The following SCN3A variants were observed in gnomAD, a reference collection of about 807,000 sequenced individuals.
The protein encoded by SCN3A is sodium voltage-gated channel alpha subunit 3, also known as sodium channel protein type 3 subunit alpha.
In SCN3A, 60 loss-of-function variants were observed where a neutral mutation model predicts 187.6. That is an observed-to-expected ratio of 0.32 (90% CI 0.26 to 0.40). The LOEUF (loss-of-function observed/expected upper bound fraction) is 0.40, where lower values mean the gene tolerates loss of function less well. Among genes scored for constraint, SCN3A ranks in the 10% least tolerant of loss-of-function variants. The pLI, the probability that SCN3A is intolerant of heterozygous loss-of-function variation, is 1.00. For synonymous variants in SCN3A, 788 were observed against 829.2 expected (o/e 0.95, Z 0.85); for missense variants, 1,601 against 2,428.2 (o/e 0.66, Z 7.16).
chr2:165,171,260 C>T (rs1323985560), intron 3 of SCN3A, among the ~76,000 whole-genome samples: 1 of 151,870 alleles, frequency 6.6e-6, no homozygotes, highest in Non-Finnish European at 1.5e-5. Context: ...TTTGCTATGG[C>T]CAATTCAATT....
intron 11 of SCN3A, among the ~76,000 whole-genome samples, chr2:165,153,179 C>T (rs1688796083): frequency 6.6e-6 from 1 of 151,958 alleles, no homozygotes; most frequent in Non-Finnish European, 1.5e-5. Flanking sequence ...GACAAAAGTT[C>T]AAAGGCAATG....
intron 18 of SCN3A, among the ~76,000 whole-genome samples, chr2:165,122,230 C>CTTTTTTTTT (rs776949572): frequency 7.9e-5 from 9 of 113,936 alleles, no homozygotes; most frequent in East Asian, 3.0e-4. Context: ...TTCTTTCTTT[C>CTTTTTTTTT]TTTTTTTTCT....
At chr2:165,123,758 T>C (rs1426001127) in intron 18 of SCN3A, among the ~76,000 whole-genome samples, 1 of 152,212 alleles carries the variant, frequency 6.6e-6, no homozygotes. Flanking sequence ...TGAAGTATGC[T>C]AGCAGCTTTT....
chr2:165,159,667 CTTT>C (rs777974249), intron 9 of SCN3A, among the ~76,000 whole-genome samples: 2 of 115,268 alleles, frequency 1.7e-5, no homozygotes, highest in Non-Finnish European at 3.4e-5. Context: ...TAGCCCCAGT[CTTT>C]TTTTTTTTTT....
chr2:165,180,819 G>GGAC (rs1396999324), intron 2 of SCN3A, among the ~76,000 whole-genome samples: 2 of 152,102 alleles, frequency 1.3e-5, no homozygotes, highest in African/African-American at 4.8e-5. Context: ...TATGAAGCGT[G>GGAC]GACAGGCAGG....
At chr2:165,156,039 A>AG (rs2105867467) in intron 9 of SCN3A, 136 bp from the exon 10 acceptor site, 1 of 1,007,768 alleles carries the variant, frequency 9.9e-7, no homozygotes, top group South Asian at 1.4e-5. Flanking sequence ...AGAACACTTT[A>AG]GGTGATTGCC....
chr2:165,127,364 A>C (rs1306736758), intron 18 of SCN3A, among the ~76,000 whole-genome samples: 3 of 152,118 alleles, frequency 2.0e-5, no homozygotes, highest in Non-Finnish European at 4.4e-5. Context: ...CCCAGCCTAA[A>C]AGGCCACATT....
At chr2:165,111,532 T>C (rs946838004) in intron 21 of SCN3A, among the ~76,000 whole-genome samples, 4 of 142,634 alleles carry the variant, frequency 2.8e-5, no homozygotes, top group Admixed American at 6.9e-5. Context: ...CACACACACA[T>C]TTACCTATTA....
intron 26 of SCN3A, chr2:165,094,054 G>A (rs918002017): frequency 1.0e-4 from 37 of 361,996 alleles, no homozygotes; most frequent in South Asian, 1.9e-4. Context: ...GCCTTGGAGA[G>A]TGGGATGGGA....
In SCN3A at chr2:165,140,644, T is replaced by C; in HGVS notation, c.2019+7A>G. The C allele has an allele frequency of 6.2e-7, 1 of 1,610,434 alleles. No individual in the cohort carries two copies. Among genetic ancestry groups the C allele is most frequent in the Non-Finnish European group, 8.5e-7 (1 of 1,176,672 alleles). The stretch of plus-strand genomic sequence containing the variant: ...ATGTCAGTAGCAGCTAGGTCATCTA[T>C]TATCACCTCTGGGGGAAGTTGTCCA... On this transcript the variant is annotated splice_region_variant and intron_variant, in intron 13 of 27. Coordinates refer to ENST00000283254, the MANE Select transcript of SCN3A (RefSeq NM_006922.4). This position sits in a 1 kb window ranked among gnomAD's most constrained non-coding sequence, Gnocchi z 4.2.
intron 5 of SCN3A, among the ~76,000 whole-genome samples, chr2:165,166,090 T>C (rs1383246080): frequency 6.6e-6 from 1 of 152,226 alleles, no homozygotes; most frequent in East Asian, 1.9e-4. Context: ...CTGTTTCTTG[T>C]ATTAGTGGTT....
At chr2:165,139,791 A>T in intron 13 of SCN3A, 183 bp from the exon 14 acceptor site, 1 of 651,464 alleles carries the variant, frequency 1.5e-6, no homozygotes, top group Non-Finnish European at 2.6e-6. Flanking sequence ...TATCACAGGT[A>T]GTACTCTTTA....
In SCN3A at chr2:165,092,248, T is replaced by C. The variant is rs1685141674; in HGVS notation, c.4807+6A>G. ...CTATACCTCTTGGTAATTAAGCTGT[T>C]CTTACCTACAATGGAGAGAATCACC... is the stretch of plus-strand genomic sequence containing the variant. On this transcript the variant is annotated splice_donor_region_variant and intron_variant, in intron 27 of 27. Transcript: ENST00000283254. The surrounding 1 kb of genome is among the most constrained non-coding windows in gnomAD (Gnocchi z 4.2). The C allele has an allele frequency of 3.7e-6, 6 of 1,613,580 alleles. No individual in the cohort carries two copies. The highest frequency in any genetic ancestry group is 5.1e-6 in the Non-Finnish European group (6 of 1,179,654).
chr2:165,202,842 A>AAT (rs1692404564), intron 1 of SCN3A, among the ~76,000 whole-genome samples: 1 of 152,036 alleles, frequency 6.6e-6, no homozygotes, highest in Non-Finnish European at 1.5e-5. Flanking sequence ...GCCACATTAT[A>AAT]CTACCTGTTG....
chr2:165,134,775 T>C (rs1470601156), intron 15 of SCN3A, among the ~76,000 whole-genome samples: 1 of 152,056 alleles, frequency 6.6e-6, no homozygotes, highest in Admixed American at 6.6e-5. Flanking sequence ...GCAGCTATTA[T>C]TTGAAATAGG....
At chr2:165,128,444 AG>A (rs1343092342) in intron 17 of SCN3A, among the ~76,000 whole-genome samples, 2 of 151,984 alleles carry the variant, frequency 1.3e-5, no homozygotes, top group African/African-American at 4.8e-5. Context: ...AGAGAGAGAG[AG>A]AGAGAAAGAT....
At chr2:165,110,839 A>G (rs1029332706) in intron 21 of SCN3A, among the ~76,000 whole-genome samples, 2 of 152,234 alleles carry the variant, frequency 1.3e-5, no homozygotes, top group Non-Finnish European at 2.9e-5. Context: ...TTTGTCATTC[A>G]TTGAAACATT....
chr2:165,198,649 A>G (rs573941796), intron 1 of SCN3A, among the ~76,000 whole-genome samples: 10 of 152,100 alleles, frequency 6.6e-5, no homozygotes, highest in African/African-American at 2.4e-4. Flanking sequence ...AAGGGCATGC[A>G]TTCACTTTCT....
chr2:165,149,247 C>T (rs1212969860), intron 11 of SCN3A, among the ~76,000 whole-genome samples: 3 of 151,414 alleles, frequency 2.0e-5, no homozygotes, highest in Non-Finnish European at 4.4e-5. Context: ...ATGATCTCGG[C>T]TCACTGCAAC....
Sources: allele counts gnomAD v4.1 joint callset (sites outside exome capture counted in the v4.1 genomes callset), GRCh38; gene constraint gnomAD v4.1.1; non-coding constraint Gnocchi (gnomAD v3.1); transcripts MANE v1.5; gene names NCBI Gene and HGNC (gene_info 2026-07-23, HGNC 2026-07-21).